The following FERMT2 variants were observed in gnomAD, a reference collection of about 807,000 sequenced individuals.
The protein encoded by FERMT2 is fermitin family homolog 2.
Under a neutral mutation model 82.7 loss-of-function variants are expected in FERMT2, and 15 were observed. The observed-to-expected ratio is 0.18, with a 90% CI of 0.12 to 0.28. The LOEUF (loss-of-function observed/expected upper bound fraction) is 0.28, where lower values mean the gene tolerates loss of function less well. Among genes scored for constraint, FERMT2 ranks in the 10% least tolerant of loss-of-function variants. FERMT2 has a pLI of 1.00. For synonymous variants in FERMT2, 274 were observed against 271.5 expected (o/e 1.01, Z -0.09); for missense variants, 645 against 809.4 (o/e 0.80, Z 2.46).
At chr14:52,899,785 T>C (rs918541813) in intron 3 of FERMT2, among the ~76,000 whole-genome samples, 8 of 152,230 alleles carry the variant, frequency 5.3e-5, no homozygotes, top group Non-Finnish European at 8.8e-5. Context: ...ATCATTTCAC[T>C]GACATGAGAA....
chr14:52,873,950 T>C (rs76761076), intron 9 of FERMT2, among the ~76,000 whole-genome samples: 1 of 117,822 alleles, frequency 8.5e-6, no homozygotes, highest in African/African-American at 2.9e-5. Context: ...TTCACAATCT[T>C]TTTTTTTTTT....
intron 2 of FERMT2, among the ~76,000 whole-genome samples, chr14:52,947,750 G>A (rs1248885532): frequency 6.6e-6 from 1 of 152,142 alleles, no homozygotes; most frequent in Non-Finnish European, 1.5e-5. Flanking sequence ...ATAAAATTGT[G>A]TCATGACTTC....
At chr14:52,943,704 ATGTG>A (rs1890197987) in intron 2 of FERMT2, among the ~76,000 whole-genome samples, 1 of 152,178 alleles carries the variant, frequency 6.6e-6, no homozygotes, top group African/African-American at 2.4e-5. Context: ...GCTCCCCAAC[ATGTG>A]TATGTTTGTG....
At chr14:52,907,138 G>C (rs1888059079) in intron 3 of FERMT2, among the ~76,000 whole-genome samples, 1 of 152,110 alleles carries the variant, frequency 6.6e-6, no homozygotes, top group South Asian at 2.1e-4. Flanking sequence ...TTAACCTCCT[G>C]AGCAGCTGGA....
chr14:52,922,935 T>C (rs1490495835), intron 2 of FERMT2, among the ~76,000 whole-genome samples: 1 of 152,174 alleles, frequency 6.6e-6, no homozygotes, highest in East Asian at 1.9e-4. Context: ...TCAACGAGCG[T>C]ATTCACAAAC....
At chr14:52,915,877 T>C (rs1360418221) in intron 3 of FERMT2, among the ~76,000 whole-genome samples, 1 of 152,152 alleles carries the variant, frequency 6.6e-6, no homozygotes, top group Non-Finnish European at 1.5e-5. Context: ...TACAAATCAA[T>C]GGTGAACGAT....
chr14:52,912,525 T>C (rs1317208401), intron 3 of FERMT2, among the ~76,000 whole-genome samples: 2 of 151,748 alleles, frequency 1.3e-5, no homozygotes, highest in East Asian at 3.9e-4. Context: ...TTTTTTTTTT[T>C]TTTGAGACAG....
At chr14:52,873,491 G>A (rs148505118) in intron 9 of FERMT2, among the ~76,000 whole-genome samples, 29 of 152,306 alleles carry the variant, frequency 1.9e-4, no homozygotes, top group African/African-American at 6.5e-4. Flanking sequence ...GCAGGTAGAT[G>A]AGAAAGGTGG....
chr14:52,902,086 C>T (rs2358075), intron 3 of FERMT2, among the ~76,000 whole-genome samples: 122,811 of 152,162 alleles, frequency 0.81, 49,748 homozygotes, highest in East Asian at 1. Flanking sequence ...AAGAGATAAA[C>T]AGGATAATAT....
At chr14:52,877,411 GAATTA>G (rs1886026667) in intron 7 of FERMT2, among the ~76,000 whole-genome samples, 1 of 151,924 alleles carries the variant, frequency 6.6e-6, no homozygotes, top group Non-Finnish European at 1.5e-5. Context: ...CAGAGAGTCA[GAATTA>G]TCTGGAAACA....
Position 52,877,872 on chromosome 14 carries a change from C to T in FERMT2, c.963+710G>A, listed in dbSNP as rs1371332851. The stretch of plus-strand genomic sequence containing the variant: ...ACTGGGAATACTTGCCAAAGCATTA[C>T]TCGGGTATCTGAAATTTAAGAAAGA... On this transcript the variant is annotated intron_variant, in intron 7 of 14. Coordinates refer to ENST00000341590, the MANE Select transcript of FERMT2 (RefSeq NM_006832.3). 3.3e-5 allele frequency among the ~76,000 whole-genome samples: 5 copies of T among 152,232 alleles called. No homozygotes were observed. In the East Asian group the frequency reaches 7.7e-4, roughly 23 times the overall value.
chr14:52,924,228 G>A (rs904098182), intron 2 of FERMT2, among the ~76,000 whole-genome samples: 12 of 152,198 alleles, frequency 7.9e-5, no homozygotes, highest in Non-Finnish European at 8.8e-5. Context: ...TCAGCAGGAG[G>A]TGGCATCAGA....
intron 8 of FERMT2, among the ~76,000 whole-genome samples, chr14:52,874,667 T>C (rs1885840018): frequency 6.6e-6 from 1 of 152,202 alleles, no homozygotes; most frequent in African/African-American, 2.4e-5. Flanking sequence ...ACTAAGTGGA[T>C]TTTTACCATG....
intron 4 of FERMT2, among the ~76,000 whole-genome samples, chr14:52,892,164 TTG>T (rs1886970653): frequency 3.6e-5 from 2 of 55,468 alleles, no homozygotes; most frequent in African/African-American, 8.6e-5. Flanking sequence ...AGGCTGTTTT[TTG>T]TTTTTTTTTT....
At chr14:52,865,456 CAGAG>C (rs1369486432) in intron 10 of FERMT2, among the ~76,000 whole-genome samples, 1 of 152,162 alleles carries the variant, frequency 6.6e-6, no homozygotes, top group East Asian at 1.9e-4. Flanking sequence ...GCTCTGCAGT[CAGAG>C]AGACTTGGGT....
chr14:52,875,505 C>A (rs924343332), intron 7 of FERMT2, 148 bp from the exon 8 acceptor site: 1 of 580,898 alleles, frequency 1.7e-6, no homozygotes, highest in Non-Finnish European at 2.9e-6. Flanking sequence ...GAAATAAATA[C>A]CTGAAATCAA....
chr14:52,907,841 G>A (rs1422495249), intron 3 of FERMT2, among the ~76,000 whole-genome samples: 1 of 151,798 alleles, frequency 6.6e-6, no homozygotes, highest in East Asian at 1.9e-4. Context: ...AAAGAAATGG[G>A]ACAACAGAGT....
intron 7 of FERMT2, among the ~76,000 whole-genome samples, chr14:52,876,647 C>G (rs1885970967): frequency 1.3e-5 from 2 of 152,194 alleles, no homozygotes; most frequent in African/African-American, 4.8e-5. Context: ...AACAATGTTA[C>G]TAATTCATCT....
intron 2 of FERMT2, among the ~76,000 whole-genome samples, chr14:52,926,061 T>G (rs976913929): frequency 2.0e-5 from 3 of 152,180 alleles, no homozygotes; most frequent in African/African-American, 7.2e-5. Context: ...AAACCCACTA[T>G]GTGCAGAACA....
Sources: allele counts gnomAD v4.1 joint callset (sites outside exome capture counted in the v4.1 genomes callset), GRCh38; gene constraint gnomAD v4.1.1; transcripts MANE v1.5; gene names NCBI Gene and HGNC (gene_info 2026-07-23, HGNC 2026-07-21).